Variants in BPHL observed in about 807,000 individuals in gnomAD.
The protein encoded by BPHL is biphenyl hydrolase like, also known as serine hydrolase BPHL.
BPHL carries 27 observed loss-of-function variants against 31.2 expected under a neutral mutation model. The observed-to-expected ratio is 0.87, with a 90% CI of 0.64 to 1.19. BPHL has a LOEUF of 1.19. BPHL is among the 50% of genes most tolerant of loss of function. BPHL has a pLI of 0.00. For synonymous variants in BPHL, 150 were observed against 146.8 expected, an observed-to-expected ratio of 1.02 and a Z score of -0.16; for missense variants, 356 against 375.7, an observed-to-expected ratio of 0.95 and a Z score of 0.43.
chr6:3,149,780 T>C lies in BPHL; in HGVS notation c.789-2708T>C, dbSNP rs13207602. ...GAGTAGCTGGGATTATAGGCGCGCATCACCACGCCGGCTAATTTTTGTGTT... is the reference window on the plus strand; with the variant it reads ...GAGTAGCTGGGATTATAGGCGCGCACCACCACGCCGGCTAATTTTTGTGTT... On this transcript the variant is annotated intron_variant, in intron 6 of 6. Coordinates refer to ENST00000380379, the MANE Select transcript of BPHL (RefSeq NM_004332.4). This position sits in a 1 kb window ranked among gnomAD's most constrained non-coding sequence, Gnocchi z 4.6. Among the ~76,000 whole-genome samples the C allele has an allele frequency of 0.084, 12,824 of 152,040 alleles. 784 individuals carry two copies. The highest frequency in any genetic ancestry group is 0.17 in the African/African-American group (6,860 of 41,450).
chr6:3,134,432 T>G (rs1022555449), intron 4 of BPHL, among the ~76,000 whole-genome samples: 8 of 150,784 alleles, frequency 5.3e-5, no homozygotes, highest in African/African-American at 1.7e-4. Context: ...CTTTTTCTTT[T>G]CTTTCCTTTT....
At chr6:3,123,889 A>C (rs184908903) in intron 2 of BPHL, 129 bp downstream of exon 2, 6 of 766,410 alleles carry the variant, frequency 7.8e-6, no homozygotes, top group Non-Finnish European at 1.2e-5. Flanking sequence ...TGCTACAATC[A>C]AACTTAAATG....
chr6:3,148,860 C>T (rs1381227764), intron 6 of BPHL, among the ~76,000 whole-genome samples: 1 of 152,174 alleles, frequency 6.6e-6, no homozygotes, highest in Non-Finnish European at 1.5e-5. Context: ...GAGAAGAAAC[C>T]TCCAGTTGGA....
At chr6:3,119,369 A>G in intron 1 of BPHL, 1 of 1,580,766 alleles carries the variant, frequency 6.3e-7, no homozygotes, top group Non-Finnish European at 8.6e-7. Flanking sequence ...CTGATCTCGT[A>G]CCTTAATGTG....
Position 3,140,365 on chromosome 6 carries a change from C to CTT in BPHL, c.665-20_665-19insTT, listed in dbSNP as rs775524453. On this transcript the variant is annotated intron_variant, in intron 5 of 6. Transcript: ENST00000380379. This position sits in a 1 kb window ranked among gnomAD's most constrained non-coding sequence, Gnocchi z 5.2. ...AGAATGGTTGCACTAAAGCAGATTC[C>CTT]TCGTGCTGTGTATCCGTCAGGTAAC... 6.2e-7 allele frequency: 1 copy of CTT among 1,613,890 alleles called. No homozygotes were observed. Among genetic ancestry groups the CTT allele is most frequent in the Non-Finnish European group, 8.5e-7 (1 of 1,179,944 alleles).
intron 6 of BPHL, among the ~76,000 whole-genome samples, chr6:3,143,361 T>G (rs1275922648): frequency 6.6e-6 from 1 of 152,078 alleles, no homozygotes. Context: ...AAGGGTGGAG[T>G]TGCTCAGCAG....
intron 1 of BPHL, among the ~76,000 whole-genome samples, chr6:3,120,680 CCG>C (rs1761544390): frequency 6.6e-6 from 1 of 152,220 alleles, no homozygotes; most frequent in African/African-American, 2.4e-5. Context: ...ATTTCAAAAT[CCG>C]TAAGGTGATT....
rs1211623420 is a variant in BPHL at position 3,119,149 on chromosome 6, A to T, written c.107+302A>T. The T allele has an allele frequency of 5.0e-6, 4 of 800,104 alleles. No individual in the cohort carries two copies. In the Admixed American group the frequency reaches 8.9e-5, roughly 18 times the overall value. 49.6% of individuals were successfully genotyped at this position (800,104 alleles called of 1,614,324 possible). ...GTGCAGACCAGAGAGACCCAGGGAG[A>T]TACATTTGCCTGTAGTATGGACTCA... On this transcript the variant is annotated intron_variant, in intron 1 of 6. Transcript: ENST00000380379.
chr6:3,119,951 A>G (rs1435710377), intron 1 of BPHL, among the ~76,000 whole-genome samples: 1 of 152,244 alleles, frequency 6.6e-6, no homozygotes, highest in Non-Finnish European at 1.5e-5. Context: ...CTACAGCTGT[A>G]TAAATTAACA....
upstream of BPHL, chr6:3,118,459 G>C: frequency 3.3e-6 from 1 of 305,744 alleles, no homozygotes; most frequent in East Asian, 5.1e-5. Flanking sequence ...GCGGGGCAGC[G>C]CCGACGGGGA....
At chr6:3,144,618 C>T (rs1762276463) in intron 6 of BPHL, among the ~76,000 whole-genome samples, 2 of 151,886 alleles carry the variant, frequency 1.3e-5, no homozygotes, top group Admixed American at 6.6e-5. Context: ...TCTTGAACTC[C>T]TGGGCTCAAG....
intron 1 of BPHL, among the ~76,000 whole-genome samples, chr6:3,120,957 C>T (rs1349318588): frequency 1.3e-5 from 2 of 152,126 alleles, no homozygotes; most frequent in African/African-American, 2.4e-5. Flanking sequence ...GAATCATGGC[C>T]TCTGGAGTTC....
intron 1 of BPHL, among the ~76,000 whole-genome samples, chr6:3,122,151 G>A (rs1259944450): frequency 6.6e-6 from 1 of 152,142 alleles, no homozygotes. Flanking sequence ...GTGGTGGCGG[G>A]TGCCTGTAGT....
intron 5 of BPHL, chr6:3,138,975 A>T (rs1005643240): frequency 2.6e-5 from 4 of 152,120 alleles, no homozygotes; most frequent in Non-Finnish European, 4.4e-5. Flanking sequence ...CTCTTTTCCG[A>T]CTGTCCTCTC....
At chr6:3,146,772 T>G (rs1327158612) in intron 6 of BPHL, among the ~76,000 whole-genome samples, 107 of 122,880 alleles carry the variant, frequency 8.7e-4, no homozygotes, top group Non-Finnish European at 1.2e-3. Flanking sequence ...GAGTGCTGGT[T>G]TGGGTCGAGT....
chr6:3,130,734 T>C (rs1761848337), intron 4 of BPHL, among the ~76,000 whole-genome samples: 1 of 152,230 alleles, frequency 6.6e-6, no homozygotes, highest in African/African-American at 2.4e-5. Context: ...CGCTAGAATA[T>C]CACAAGTCTA....
At position 3,152,847 on chromosome 6, in the gene BPHL, G is replaced by A; in HGVS notation, c.*272G>A. 3.6e-6 allele frequency: 1 copy of A among 280,328 alleles called. No homozygotes were observed. The highest frequency in any genetic ancestry group is 6.7e-6 in the Non-Finnish European group (1 of 150,252). 17.4% of individuals were successfully genotyped at this position (280,328 alleles called of 1,614,324 possible). A position where few individuals can be genotyped will look rare whatever the true frequency, so the allele number is the denominator to read the frequency against. On this transcript the variant is annotated 3_prime_UTR_variant, in exon 7 of 7. Transcript: ENST00000380379. The stretch of plus-strand genomic sequence containing the variant: ...TTCAAGACCAGCTTGTGCAATATAG[G>A]GAGACTCCGGCTCTACAAAAAAGAG...
intron 2 of BPHL, among the ~76,000 whole-genome samples, chr6:3,126,245 T>TAA (rs199841590): frequency 9.1e-5 from 13 of 142,498 alleles, no homozygotes; most frequent in African/African-American, 2.8e-4. Context: ...CTTAGCTTAG[T>TAA]AAAAAAAAAA....
Position 3,152,560 on chromosome 6 carries a change from A to T in BPHL, c.861A>T (p.Glu287Asp). The T allele has an allele frequency of 6.2e-7, 1 of 1,613,314 alleles. No individual in the cohort carries two copies. The highest frequency in any genetic ancestry group is 1.3e-5 in the African/African-American group (1 of 74,968). The change falls in exon 7 of 7, where the codon GAA becomes GAT. Residue 287 changes from glutamate to aspartate, a missense_variant. Physicochemically the swap from Glu to Asp is conservative, Grantham distance 45. Transcript: ENST00000380379. ...RFADEFNKLA[E>D]DFLQ Reference sequence around the variant, plus strand: ...CAGATGAATTCAACAAGTTAGCAGAAGACTTCCTACAATGAGAATGCACAC... The same window carrying T: ...CAGATGAATTCAACAAGTTAGCAGATGACTTCCTACAATGAGAATGCACAC...
Sources: allele counts gnomAD v4.1 joint callset (sites outside exome capture counted in the v4.1 genomes callset), GRCh38; gene constraint gnomAD v4.1.1; non-coding constraint Gnocchi (gnomAD v3.1); transcripts MANE v1.5; gene names NCBI Gene and HGNC (gene_info 2026-07-23, HGNC 2026-07-21).